Variants in SNTG1 observed in about 807,000 individuals in gnomAD.
SNTG1 encodes the protein gamma-1-syntrophin.
Under a neutral mutation model 74.7 loss-of-function variants are expected in SNTG1, and 39 were observed. That is an observed-to-expected ratio of 0.52 (90% confidence interval 0.40 to 0.68). The LOEUF is 0.68. Ranked by LOEUF, SNTG1 falls within the 30% of genes least tolerant of loss-of-function variation. The probability of loss-of-function intolerance (pLI) is 0.00; values close to 1 mark genes in which losing one functional copy is unlikely to be tolerated. For synonymous variants in SNTG1, 254 were observed against 217.1 expected (o/e 1.17, Z -1.49); for missense variants, 685 against 609.5 (o/e 1.12, Z -1.30).
intron 1 of SNTG1, among the ~76,000 whole-genome samples, chr8:50,060,293 A>AT (rs1186186649): frequency 2.0e-5 from 3 of 151,984 alleles, no homozygotes; most frequent in Non-Finnish European, 2.9e-5. Flanking sequence ...TCAGATTTGC[A>AT]TTTTTTTCTC....
chr8:50,371,727 T>C (rs2092273217), intron 2 of SNTG1, among the ~76,000 whole-genome samples: 1 of 152,218 alleles, frequency 6.6e-6, no homozygotes, highest in African/African-American at 2.4e-5. Flanking sequence ...GTTAGCTGCC[T>C]ATATATTTAT....
intron 1 of SNTG1, among the ~76,000 whole-genome samples, chr8:50,111,290 G>T (rs1255908008): frequency 3.3e-5 from 5 of 152,140 alleles, no homozygotes; most frequent in Non-Finnish European, 7.3e-5. Flanking sequence ...ATGGTATTTG[G>T]AGATGGAGGA....
At chr8:50,263,395 A>T (rs959330424) in intron 2 of SNTG1, among the ~76,000 whole-genome samples, 2 of 152,316 alleles carry the variant, frequency 1.3e-5, no homozygotes, top group South Asian at 4.1e-4. Flanking sequence ...TAATGTTATT[A>T]AATATAAATG....
Position 50,693,249 on chromosome 8 carries a change from G to A in SNTG1, c.1039-11351G>A, listed in dbSNP as rs555531796. Among the ~76,000 whole-genome samples, 481 of 152,224 alleles carry A rather than the reference G, an allele frequency of 3.2e-3. 4 individuals are homozygous for A. The highest frequency in any genetic ancestry group is 0.011 in the African/African-American group (463 of 41,534). On this transcript the variant is annotated intron_variant, in intron 15 of 18. Coordinates refer to ENST00000642720, the MANE Select transcript of SNTG1 (RefSeq NM_018967.5). ...TGCTTCGGCTTGTGCACAGTGCAGG[G>A]CACCCACTGTCCTGCACCTACTATC...
At chr8:50,031,548 A>G (rs1353745865) in intron 1 of SNTG1, among the ~76,000 whole-genome samples, 3 of 152,012 alleles carry the variant, frequency 2.0e-5, no homozygotes, top group African/African-American at 4.8e-5. Context: ...ATGGTGCTGA[A>G]TTTTGGCAAA....
rs539414113 is a variant in SNTG1, at chr8:50,694,407, G to A, written c.1039-10193G>A. Among the ~76,000 whole-genome samples, 138 of 152,086 alleles carry A rather than the reference G, an allele frequency of 9.1e-4. 4 individuals are homozygous for A. The South Asian group carries it at 0.028, about 30-fold the overall frequency. On this transcript the variant is annotated intron_variant, in intron 15 of 18. Coordinates refer to ENST00000642720, the MANE Select transcript of SNTG1 (RefSeq NM_018967.5). ...AATGCTGAAAAAATAAAAATGTGAA[G>A]AGAACAATAATGAGTGAGGAGACTG...
intron 2 of SNTG1, among the ~76,000 whole-genome samples, chr8:50,313,344 A>G (rs1213026530): frequency 6.7e-6 from 1 of 149,900 alleles, no homozygotes; most frequent in African/African-American, 2.5e-5. Flanking sequence ...AAGCTTCCGC[A>G]CTGCAAAGGA....
chr8:50,538,004 T>C (rs1235021876), intron 11 of SNTG1, among the ~76,000 whole-genome samples: 1 of 152,220 alleles, frequency 6.6e-6, no homozygotes, highest in African/African-American at 2.4e-5. Flanking sequence ...AATACTGTTT[T>C]AGTTACTCCT....
intron 8 of SNTG1, among the ~76,000 whole-genome samples, chr8:50,467,613 T>C (rs1426043533): frequency 3.3e-5 from 5 of 151,978 alleles, no homozygotes; most frequent in African/African-American, 9.6e-5. Flanking sequence ...TTTTTCCCTG[T>C]TGTTTTTTGT....
intron 17 of SNTG1, among the ~76,000 whole-genome samples, chr8:50,709,563 G>T (rs1265035082): frequency 1.3e-5 from 2 of 152,046 alleles, no homozygotes; most frequent in Non-Finnish European, 2.9e-5. Flanking sequence ...GACAGAGGGT[G>T]CCTACTCAGC....
chr8:50,462,766 A>G (rs1284205364), intron 8 of SNTG1, among the ~76,000 whole-genome samples: 1 of 139,848 alleles, frequency 7.2e-6, no homozygotes, highest in African/African-American at 2.7e-5. Flanking sequence ...ATGACGTGGC[A>G]GCAACTCAGT....
At chr8:50,347,242 C>A (rs2091506940) in intron 2 of SNTG1, among the ~76,000 whole-genome samples, 1 of 152,104 alleles carries the variant, frequency 6.6e-6, no homozygotes, top group Non-Finnish European at 1.5e-5. Flanking sequence ...TTTTTTAAAT[C>A]CTAGGGCTCT....
At chr8:50,479,466 C>G (rs1303286328) in intron 8 of SNTG1, among the ~76,000 whole-genome samples, 1 of 152,072 alleles carries the variant, frequency 6.6e-6, no homozygotes, top group Non-Finnish European at 1.5e-5. Flanking sequence ...TGCCTGTCTT[C>G]TGCTTACTTC....
intron 2 of SNTG1, among the ~76,000 whole-genome samples, chr8:50,237,928 C>T (rs1489099582): frequency 6.6e-6 from 1 of 152,104 alleles, no homozygotes; most frequent in Non-Finnish European, 1.5e-5. Flanking sequence ...ACTACTCAAA[C>T]AGTCTTCGTT....
At chr8:50,089,567 A>G (rs1334855151) in intron 1 of SNTG1, among the ~76,000 whole-genome samples, 3 of 152,142 alleles carry the variant, frequency 2.0e-5, no homozygotes, top group Non-Finnish European at 4.4e-5. Flanking sequence ...CAAGAAAAAA[A>G]CAAACAACCC....
intron 12 of SNTG1, among the ~76,000 whole-genome samples, chr8:50,555,817 AC>A (rs2094452671): frequency 6.6e-6 from 1 of 152,326 alleles, no homozygotes; most frequent in South Asian, 2.1e-4. Flanking sequence ...TTGAAATAAG[AC>A]ATACATATGT....
intron 2 of SNTG1, among the ~76,000 whole-genome samples, chr8:50,276,149 C>CT (rs1484707450): frequency 3.3e-5 from 5 of 152,102 alleles, no homozygotes; most frequent in Admixed American, 3.3e-4. Flanking sequence ...AGGGAGACAG[C>CT]TGTGATTTGC....
intron 1 of SNTG1, among the ~76,000 whole-genome samples, chr8:50,025,150 C>G (rs1817160178): frequency 6.6e-6 from 1 of 151,930 alleles, no homozygotes; most frequent in Non-Finnish European, 1.5e-5. Context: ...TATACAAAAC[C>G]AAGAAAATAC....
rs138303317 is a variant in SNTG1 at position 50,754,063 on chromosome 8, G to C, written c.1395+1952G>C. 9.1e-4 allele frequency among the ~76,000 whole-genome samples: 138 copies of C among 152,050 alleles called. 2 individuals carry two copies. Among genetic ancestry groups the C allele is most frequent in the Middle Eastern group, 6.8e-3 (2 of 294 alleles). On this transcript the variant is annotated intron_variant, in intron 18 of 18. Coordinates refer to ENST00000642720, the MANE Select transcript of SNTG1 (RefSeq NM_018967.5). ...CATAAAAATTGTGTAAGAACTGGAAGCAGGACATTTGCTAACTATTGTATA... is the reference window on the plus strand; with the variant it reads ...CATAAAAATTGTGTAAGAACTGGAACCAGGACATTTGCTAACTATTGTATA...
Sources: gnomAD v4.1 joint callset for allele counts (sites outside exome capture counted in the v4.1 genomes callset) on GRCh38, gnomAD v4.1.1 for gene constraint, MANE v1.5 for transcripts, NCBI Gene and HGNC (gene_info 2026-07-23, HGNC 2026-07-21) for gene names.